The following TBC1D2B variants were observed in gnomAD, a reference collection of about 807,000 sequenced individuals.
The protein encoded by TBC1D2B is TBC1 domain family member 2B.
TBC1D2B carries 64 observed loss-of-function variants against 100.8 expected under a neutral mutation model. The observed-to-expected ratio is 0.64, with a 90% CI of 0.52 to 0.78. The LOEUF is 0.78. Ranked by LOEUF, TBC1D2B falls within the 30% of genes least tolerant of loss-of-function variation. The pLI is 0.00. For synonymous variants in TBC1D2B, 480 were observed against 479.7 expected (o/e 1.00, Z -0.01); for missense variants, 1,052 against 1,218.4 (o/e 0.86, Z 2.03).
intron 3 of TBC1D2B, among the ~76,000 whole-genome samples, chr15:78,042,201 T>C (rs1250171046): frequency 1.3e-5 from 2 of 152,194 alleles, no homozygotes; most frequent in African/African-American, 4.8e-5. Flanking sequence ...TCATCCATGT[T>C]CCTATGCTCA....
chr15:78,021,165 A>C (rs1171960401), intron 6 of TBC1D2B, among the ~76,000 whole-genome samples: 1 of 152,208 alleles, frequency 6.6e-6, no homozygotes, highest in Non-Finnish European at 1.5e-5. Context: ...ATTAGACCAC[A>C]CCAAAAAAAG....
chr15:78,050,578 A>C (rs1484192335), intron 2 of TBC1D2B, among the ~76,000 whole-genome samples: 1 of 152,236 alleles, frequency 6.6e-6, no homozygotes, highest in African/African-American at 2.4e-5. Flanking sequence ...ACAGCTATAA[A>C]GGTTTATAGA....
intron 9 of TBC1D2B, 57 bp from the exon 10 acceptor site, chr15:78,009,171 T>A: frequency 7.9e-7 from 1 of 1,266,696 alleles, no homozygotes; most frequent in Non-Finnish European, 1.1e-6. Context: ...GCTACTACAG[T>A]CTCCACAGAG....
At chr15:78,031,554 C>CAAA (rs1225713046) in intron 3 of TBC1D2B, among the ~76,000 whole-genome samples, 580 of 54,830 alleles carry the variant, frequency 0.011, 35 homozygotes, top group African/African-American at 0.039. Context: ...ACTCTGTCTC[C>CAAA]AAAAAAAAAA....
chr15:78,050,196 C>T (rs975627580), intron 2 of TBC1D2B, among the ~76,000 whole-genome samples: 1 of 152,108 alleles, frequency 6.6e-6, no homozygotes, highest in African/African-American at 2.4e-5. Flanking sequence ...GTTACAGCTA[C>T]TCCTCCCACG....
At chr15:78,077,271 G>C in intron 1 of TBC1D2B, 22 bp downstream of exon 1, 1 of 1,443,206 alleles carries the variant, frequency 6.9e-7, no homozygotes, top group Non-Finnish European at 9.1e-7. Context: ...CGCGCGGGCG[G>C]CTTTGGGGCG....
chr15:78,028,341 G>T (rs1376000334), intron 4 of TBC1D2B, among the ~76,000 whole-genome samples: 1 of 152,144 alleles, frequency 6.6e-6, no homozygotes, highest in Admixed American at 6.6e-5. Flanking sequence ...CAGGCATTGT[G>T]GTGGGCACCT....
chr15:78,005,723 G>A (rs748292721), intron 10 of TBC1D2B, among the ~76,000 whole-genome samples: 2 of 152,142 alleles, frequency 1.3e-5, no homozygotes, highest in Non-Finnish European at 2.9e-5. Flanking sequence ...TGCTAACCAC[G>A]GTTCTCCAGT....
At chr15:78,025,815 C>T (rs188979112) in intron 4 of TBC1D2B, among the ~76,000 whole-genome samples, 53 of 152,210 alleles carry the variant, frequency 3.5e-4, no homozygotes, top group African/African-American at 1.3e-3. Flanking sequence ...CGTGAGCCAC[C>T]GTGCCCGGCC....
chr15:78,076,529 C>T (rs2073831589), intron 1 of TBC1D2B, among the ~76,000 whole-genome samples: 2 of 151,900 alleles, frequency 1.3e-5, no homozygotes, highest in Admixed American at 6.6e-5. Flanking sequence ...AGGATGGTTT[C>T]GGCCCAGGAG....
At chr15:78,013,396 T>C (rs2072287221) in intron 8 of TBC1D2B, 79 bp from the exon 9 acceptor site, 1 of 1,354,430 alleles carries the variant, frequency 7.4e-7, no homozygotes, top group Non-Finnish European at 9.9e-7. Flanking sequence ...ATAGAGAGTC[T>C]AGAAACCAAA....
At chr15:78,048,649 T>C (rs1048215792) in intron 2 of TBC1D2B, among the ~76,000 whole-genome samples, 2 of 152,208 alleles carry the variant, frequency 1.3e-5, no homozygotes, top group African/African-American at 4.8e-5. Context: ...CAGCACTGCC[T>C]CTAAATCCAG....
chr15:78,000,645 T>C (rs1319647900), intron 12 of TBC1D2B, among the ~76,000 whole-genome samples: 1 of 152,198 alleles, frequency 6.6e-6, no homozygotes, highest in Non-Finnish European at 1.5e-5. Flanking sequence ...CCAGGAAGCC[T>C]GGCATGGCCT....
intron 2 of TBC1D2B, among the ~76,000 whole-genome samples, chr15:78,048,708 A>G (rs541294500): frequency 6.6e-6 from 1 of 152,174 alleles, no homozygotes; most frequent in African/African-American, 2.4e-5. Context: ...AGCCCTTCCC[A>G]CTTACTGCAT....
chr15:78,036,394 T>C (rs1380345483), intron 3 of TBC1D2B, among the ~76,000 whole-genome samples: 1 of 152,210 alleles, frequency 6.6e-6, no homozygotes, highest in East Asian at 1.9e-4. Context: ...TGAAATGTAA[T>C]AATCATTGTG....
chr15:77,995,396 T>A lies in TBC1D2B; in HGVS notation c.*2764A>T, dbSNP rs1007326539. On this transcript the variant is annotated 3_prime_UTR_variant, in exon 13 of 13. Transcript: ENST00000300584. ...GGCGGCTACTGTACAGCTGTCAGCA[T>A]GACTACAGGCAGCGCCCGAGGCTAT... The A allele has an allele frequency of 1.1e-4, 17 of 152,354 alleles. No homozygotes were observed. Among genetic ancestry groups the A allele is most frequent in the Admixed American group, 9.8e-4 (15 of 15,286 alleles). The allele number at this position is 152,354 out of a possible 1,614,324, so 9.4% of individuals were successfully genotyped here. A position where few individuals can be genotyped will look rare whatever the true frequency, so the allele number is the denominator to read the frequency against.
intron 3 of TBC1D2B, chr15:78,034,746 A>G: frequency 1.0e-6 from 1 of 985,420 alleles, no homozygotes. Flanking sequence ...AGTCCTGGAT[A>G]AGAGAGAAAT....
intron 1 of TBC1D2B, among the ~76,000 whole-genome samples, chr15:78,066,627 T>C (rs1175904246): frequency 6.6e-6 from 1 of 152,202 alleles, no homozygotes; most frequent in African/African-American, 2.4e-5. Flanking sequence ...GGAGATATTT[T>C]CCTTTAAAAG....
chr15:78,068,575 T>C (rs1218014988), intron 1 of TBC1D2B, among the ~76,000 whole-genome samples: 2 of 152,178 alleles, frequency 1.3e-5, no homozygotes, highest in East Asian at 1.9e-4. Flanking sequence ...ACTCAAAGAC[T>C]AGACCAGGAG....
Sources: allele counts gnomAD v4.1 joint callset (sites outside exome capture counted in the v4.1 genomes callset), GRCh38; gene constraint gnomAD v4.1.1; transcripts MANE v1.5; gene names NCBI Gene and HGNC (gene_info 2026-07-23, HGNC 2026-07-21).